Variants in CYRIA observed in about 807,000 individuals in gnomAD.
CYRIA encodes the protein CYFIP-related Rac1 interactor A.
Under a neutral mutation model 43.9 loss-of-function variants are expected in CYRIA, and 15 were observed. The ratio of observed to expected loss-of-function variants is 0.34; its 90% CI spans 0.23 to 0.53. The LOEUF (loss-of-function observed/expected upper bound fraction) is 0.53. Ranked by LOEUF, CYRIA falls within the 20% of genes least tolerant of loss-of-function variation. The pLI is 0.94. For missense variants in CYRIA, 236 were observed against 394.2 expected, an observed-to-expected ratio of 0.60 and a Z score of 3.40; for synonymous variants, 117 against 136.0, an observed-to-expected ratio of 0.86 and a Z score of 0.97.
chr2:16,620,706 T>C (rs1198761724), intron 2 of CYRIA, among the ~76,000 whole-genome samples: 3 of 152,166 alleles, frequency 2.0e-5, no homozygotes, highest in African/African-American at 7.2e-5. Flanking sequence ...CCCTGATTCA[T>C]ACCCTCACCT....
intron 3 of CYRIA, among the ~76,000 whole-genome samples, chr2:16,569,228 C>T (rs563142484): frequency 1.2e-4 from 18 of 152,306 alleles, no homozygotes; most frequent in Admixed American, 8.5e-4. Context: ...AAACAAATAC[C>T]TTCCATCCTA....
At chr2:16,558,411 C>A (rs1426148117) in intron 10 of CYRIA, among the ~76,000 whole-genome samples, 1 of 152,154 alleles carries the variant, frequency 6.6e-6, no homozygotes, top group African/African-American at 2.4e-5. Context: ...CTTTCTCTTG[C>A]ATAGGGCCAG....
At chr2:16,567,752 A>G (rs182496249) in intron 3 of CYRIA, among the ~76,000 whole-genome samples, 2 of 152,186 alleles carry the variant, frequency 1.3e-5, no homozygotes, top group Non-Finnish European at 2.9e-5. Context: ...GAAACTTTGC[A>G]AACTATACAT....
intron 2 of CYRIA, among the ~76,000 whole-genome samples, chr2:16,590,141 G>A (rs780300635): frequency 5.9e-5 from 9 of 152,028 alleles, no homozygotes; most frequent in Middle Eastern, 3.4e-3. Context: ...ATTATTCTTT[G>A]TCTTTTCTGT....
rs76966970 is a variant in CYRIA at position 16,653,720 on chromosome 2, C to T, written c.-167+12060G>A. On this transcript the variant is annotated intron_variant, in intron 1 of 11. Coordinates refer to ENST00000381323, the MANE Select transcript of CYRIA (RefSeq NM_030797.4). ...TTGAATAAGTAGATGGACAGATGGA[C>T]GGATGAATTTGACGGGGACCTGGGG... 1.2e-3 allele frequency among the ~76,000 whole-genome samples: 181 copies of T among 152,176 alleles called. 3 individuals carry two copies. In the East Asian group the frequency reaches 0.031, roughly 26 times the overall value.
chr2:16,604,940 A>T (rs1233481286), intron 2 of CYRIA, among the ~76,000 whole-genome samples: 2 of 152,248 alleles, frequency 1.3e-5, no homozygotes, highest in Non-Finnish European at 2.9e-5. Context: ...CTGACAATAA[A>T]AATGAGTTAA....
intron 3 of CYRIA, among the ~76,000 whole-genome samples, chr2:16,568,227 G>GAAAAA (rs71400699): frequency 3.4e-5 from 3 of 88,752 alleles, no homozygotes; most frequent in Admixed American, 2.5e-4. Flanking sequence ...TTCAAAATCA[G>GAAAAA]AAAAAAAAAA....
intron 3 of CYRIA, among the ~76,000 whole-genome samples, chr2:16,572,172 A>G (rs549159333): frequency 6.6e-6 from 1 of 152,176 alleles, no homozygotes; most frequent in East Asian, 1.9e-4. Context: ...TCAATATTAG[A>G]CCTCAGGGCA....
chr2:16,659,114 C>G (rs189756793), intron 1 of CYRIA, among the ~76,000 whole-genome samples: 20 of 152,322 alleles, frequency 1.3e-4, no homozygotes, highest in Non-Finnish European at 2.5e-4. Context: ...GAAACACAAG[C>G]TATATTTCAT....
chr2:16,654,760 A>T (rs546228373), intron 1 of CYRIA, among the ~76,000 whole-genome samples: 151 of 152,352 alleles, frequency 9.9e-4, no homozygotes, highest in African/African-American at 3.5e-3. Context: ...AATAGTTAGA[A>T]TTAATAGGTG....
chr2:16,571,578 T>C (rs1205856118), intron 3 of CYRIA, among the ~76,000 whole-genome samples: 1 of 152,254 alleles, frequency 6.6e-6, no homozygotes, highest in Non-Finnish European at 1.5e-5. Context: ...GTATGGACAA[T>C]TTGACAGAGA....
At chr2:16,590,370 T>G (rs774017510) in intron 2 of CYRIA, among the ~76,000 whole-genome samples, 1 of 152,176 alleles carries the variant, frequency 6.6e-6, no homozygotes, top group Non-Finnish European at 1.5e-5. Flanking sequence ...GAGTCACTTC[T>G]TGTAGGAAGA....
intron 2 of CYRIA, among the ~76,000 whole-genome samples, chr2:16,619,981 T>C (rs1258994209): frequency 6.6e-6 from 1 of 152,222 alleles, no homozygotes; most frequent in African/African-American, 2.4e-5. Flanking sequence ...ATCCTCTGCA[T>C]CCACATCACT....
intron 1 of CYRIA, among the ~76,000 whole-genome samples, chr2:16,639,481 A>G (rs1669608756): frequency 6.6e-6 from 1 of 151,942 alleles, no homozygotes; most frequent in East Asian, 1.9e-4. Flanking sequence ...GATGTATTTG[A>G]CTCCAGCTAA....
intron 2 of CYRIA, among the ~76,000 whole-genome samples, chr2:16,601,634 A>G (rs1668209440): frequency 3.3e-5 from 5 of 151,380 alleles, no homozygotes; most frequent in African/African-American, 9.8e-5. Flanking sequence ...CACTTCTATG[A>G]GAGTTGGCTT....
chr2:16,564,556 G>C (rs1666861260), intron 4 of CYRIA, among the ~76,000 whole-genome samples: 1 of 152,136 alleles, frequency 6.6e-6, no homozygotes, highest in African/African-American at 2.4e-5. Flanking sequence ...TTACTAGACT[G>C]TTACTTTTTT....
chr2:16,601,711 CAAAAAA>C (rs57235858), intron 2 of CYRIA, among the ~76,000 whole-genome samples: 1 of 123,682 alleles, frequency 8.1e-6, no homozygotes, highest in Admixed American at 8.0e-5. Context: ...TTTCCAGTTT[CAAAAAA>C]AAAAAAAAAG....
chr2:16,573,829 T>C (rs1667227951), intron 3 of CYRIA, among the ~76,000 whole-genome samples: 1 of 152,244 alleles, frequency 6.6e-6, no homozygotes, highest in Non-Finnish European at 1.5e-5. Flanking sequence ...ATTAAACCTC[T>C]TTCTTTTGTA....
intron 1 of CYRIA, among the ~76,000 whole-genome samples, chr2:16,647,718 C>T (rs1446683751): frequency 1.3e-5 from 2 of 152,242 alleles, no homozygotes; most frequent in African/African-American, 4.8e-5. Context: ...TCTTTCTCCT[C>T]TGCCTTGTAC....
Sources: gnomAD v4.1 joint callset for allele counts (sites outside exome capture counted in the v4.1 genomes callset) on GRCh38, gnomAD v4.1.1 for gene constraint, MANE v1.5 for transcripts, NCBI Gene and HGNC (gene_info 2026-07-23, HGNC 2026-07-21) for gene names.